Variants in EPHB1 observed in about 807,000 individuals in gnomAD.
EPHB1 encodes the protein EPH receptor B1, also known as ephrin type-B receptor 1.
In EPHB1, 30 loss-of-function variants were observed where a neutral mutation model predicts 94.4. The ratio of observed to expected loss-of-function variants is 0.32; its 90% CI spans 0.24 to 0.43. EPHB1 has a LOEUF of 0.43. EPHB1 is among the 20% of genes least tolerant of loss of function. EPHB1 has a pLI of 1.00. For synonymous variants in EPHB1, 522 were observed against 489.1 expected, an observed-to-expected ratio of 1.07 and a Z score of -0.89; for missense variants, 1,055 against 1,308.3, an observed-to-expected ratio of 0.81 and a Z score of 2.99.
intron 12 of EPHB1, among the ~76,000 whole-genome samples, chr3:135,236,141 G>A (rs1230624758): frequency 6.6e-6 from 1 of 152,202 alleles, no homozygotes; most frequent in African/African-American, 2.4e-5. Flanking sequence ...CTGAAAGTCT[G>A]AGATCAAGGT....
chr3:134,828,098 G>T (rs1322461522), intron 1 of EPHB1, among the ~76,000 whole-genome samples: 1 of 152,162 alleles, frequency 6.6e-6, no homozygotes, highest in Non-Finnish European at 1.5e-5. Context: ...TTCCTTCTGT[G>T]CTATGGACTC....
chr3:135,139,120 A>G (rs1430534685), intron 5 of EPHB1, among the ~76,000 whole-genome samples: 1 of 152,232 alleles, frequency 6.6e-6, no homozygotes, highest in East Asian at 1.9e-4. Flanking sequence ...TTCAGTCCCC[A>G]CAGATGAGCA....
At chr3:134,862,616 C>A (rs2037290742) in intron 1 of EPHB1, among the ~76,000 whole-genome samples, 1 of 151,942 alleles carries the variant, frequency 6.6e-6, no homozygotes, top group South Asian at 2.1e-4. Flanking sequence ...GTGCTCCTAA[C>A]AAACAGCAGC....
At chr3:134,831,686 T>C (rs1243425493) in intron 1 of EPHB1, among the ~76,000 whole-genome samples, 1 of 152,226 alleles carries the variant, frequency 6.6e-6, no homozygotes, top group Non-Finnish European at 1.5e-5. Flanking sequence ...GAAAGACAGC[T>C]GCTTTCCCTG....
At chr3:135,204,013 G>T (rs541957124) in intron 12 of EPHB1, among the ~76,000 whole-genome samples, 2 of 151,848 alleles carry the variant, frequency 1.3e-5, no homozygotes, top group South Asian at 4.2e-4. Context: ...TTAATTTTTT[G>T]ATTTTTAGTT....
chr3:134,875,393 G>A (rs1033823396), intron 1 of EPHB1, among the ~76,000 whole-genome samples: 13 of 152,298 alleles, frequency 8.5e-5, no homozygotes, highest in African/African-American at 3.1e-4. Context: ...CAATGGAGAC[G>A]GGCATGTGGG....
At chr3:135,073,875 C>T (rs912715694) in intron 3 of EPHB1, among the ~76,000 whole-genome samples, 7 of 151,936 alleles carry the variant, frequency 4.6e-5, no homozygotes, top group African/African-American at 1.7e-4. Flanking sequence ...TGGTGTTTAG[C>T]GTGTTCCTCT....
chr3:135,199,252 G>C (rs1038469055), intron 11 of EPHB1, among the ~76,000 whole-genome samples: 4 of 152,162 alleles, frequency 2.6e-5, no homozygotes, highest in African/African-American at 9.7e-5. Flanking sequence ...GTGACTTGTG[G>C]CTGAGATACA....
At chr3:134,820,568 ATAT>A (rs1256028305) in intron 1 of EPHB1, among the ~76,000 whole-genome samples, 1 of 152,322 alleles carries the variant, frequency 6.6e-6, no homozygotes, top group Non-Finnish European at 1.5e-5. Flanking sequence ...AAAACTATTA[ATAT>A]TATTCCATGC....
At chr3:134,880,229 A>C (rs78413444) in intron 1 of EPHB1, among the ~76,000 whole-genome samples, 3,471 of 152,296 alleles carry the variant, frequency 0.023, 156 homozygotes, top group African/African-American at 0.079. Context: ...GCTGACTGGA[A>C]AGTGTGAGGA....
At chr3:135,018,684 C>T (rs1362532904) in intron 3 of EPHB1, among the ~76,000 whole-genome samples, 1 of 152,188 alleles carries the variant, frequency 6.6e-6, no homozygotes, top group Non-Finnish European at 1.5e-5. Flanking sequence ...ACAATCCACC[C>T]ACCTTTTCCT....
rs1031031910 is a variant in EPHB1 at position 134,966,782 on chromosome 3, G to T, written c.805+14730G>T. ...CACCTAGTGATTTCTTTTCCCATCT[G>T]CATTCCTGCCATTCTGTTTGCCCAG... On this transcript the variant is annotated intron_variant, in intron 3 of 15. Transcript: ENST00000398015. 2.0e-5 allele frequency among the ~76,000 whole-genome samples: 3 copies of T among 152,240 alleles called. No homozygotes were observed. The South Asian group carries it at 6.2e-4, about 32-fold the overall frequency.
intron 1 of EPHB1, among the ~76,000 whole-genome samples, chr3:134,838,061 G>T (rs2036708813): frequency 6.6e-6 from 1 of 152,148 alleles, no homozygotes; most frequent in African/African-American, 2.4e-5. Context: ...GATTATGTGG[G>T]AGGCTGTAGG....
chr3:135,230,042 G>A (rs747022181), intron 12 of EPHB1, among the ~76,000 whole-genome samples: 4 of 152,204 alleles, frequency 2.6e-5, no homozygotes, highest in Non-Finnish European at 4.4e-5. Context: ...TGGTCTCTTA[G>A]GATGAGCCTG....
intron 2 of EPHB1, among the ~76,000 whole-genome samples, chr3:134,948,985 C>T (rs1206069728): frequency 8.5e-5 from 13 of 152,142 alleles, no homozygotes; most frequent in Non-Finnish European, 1.9e-4. Flanking sequence ...AACTGGGAGA[C>T]AGAGTTGTGA....
At chr3:134,833,514 C>T (rs1325949783) in intron 1 of EPHB1, among the ~76,000 whole-genome samples, 1 of 152,218 alleles carries the variant, frequency 6.6e-6, no homozygotes, top group Non-Finnish European at 1.5e-5. Context: ...GTTCCAGGCA[C>T]TGTGCTGGGA....
intron 3 of EPHB1, among the ~76,000 whole-genome samples, chr3:135,001,775 A>G (rs1935190944): frequency 6.6e-6 from 1 of 152,172 alleles, no homozygotes; most frequent in South Asian, 2.1e-4. Context: ...TGTATCTTAT[A>G]GATGATTCCA....
At chr3:134,978,888 C>T (rs1303225385) in intron 3 of EPHB1, among the ~76,000 whole-genome samples, 1 of 152,180 alleles carries the variant, frequency 6.6e-6, no homozygotes, top group Non-Finnish European at 1.5e-5. Flanking sequence ...ACCCAGTAAC[C>T]TGAGAGGTGG....
At chr3:134,880,245 T>G (rs1347295510) in intron 1 of EPHB1, among the ~76,000 whole-genome samples, 1 of 152,194 alleles carries the variant, frequency 6.6e-6, no homozygotes, top group South Asian at 2.1e-4. Context: ...GAGGATGTAA[T>G]GTGACAGACC....
Sources: allele counts gnomAD v4.1 joint callset (sites outside exome capture counted in the v4.1 genomes callset), GRCh38; gene constraint gnomAD v4.1.1; transcripts MANE v1.5; gene names NCBI Gene and HGNC (gene_info 2026-07-23, HGNC 2026-07-21).